Variants in DNAH17 observed in about 807,000 individuals in gnomAD.
The protein encoded by DNAH17 is axonemal beta dynein heavy chain 17.
In DNAH17, 376 loss-of-function variants were observed where a neutral mutation model predicts 485.6. The observed-to-expected ratio is 0.77, with a 90% CI of 0.71 to 0.84. The LOEUF (loss-of-function observed/expected upper bound fraction) is 0.84. Among genes scored for constraint, DNAH17 ranks in the 40% least tolerant of loss-of-function variants. DNAH17 has a pLI of 0.00. For missense variants in DNAH17, 6,370 were observed against 5,839.3 expected (o/e 1.09, Z -2.96); for synonymous variants, 3,031 against 2,405.9 (o/e 1.26, Z -7.60).
intron 25 of DNAH17, among the ~76,000 whole-genome samples, chr17:78,519,289 C>T (rs371493950): frequency 1.3e-5 from 2 of 150,654 alleles, no homozygotes; most frequent in South Asian, 2.1e-4. Flanking sequence ...TATCAAAATA[C>T]GTGGGACGCA....
Position 78,466,240 on chromosome 17 carries a change from G to A in DNAH17, c.8940+415C>T, listed in dbSNP as rs976819004. Among the ~76,000 whole-genome samples the A allele has an allele frequency of 5.3e-5, 8 of 152,206 alleles. No homozygotes were observed. The East Asian group carries it at 1.4e-3, about 26-fold the overall frequency. ...ACAGATGCTTGAAGGCAGCATGCTCGTTAAGAGTCATCACCACTCCCTAAT... is the reference window on the plus strand; with the variant it reads ...ACAGATGCTTGAAGGCAGCATGCTCATTAAGAGTCATCACCACTCCCTAAT... On this transcript the variant is annotated intron_variant, in intron 56 of 80. Coordinates refer to ENST00000389840, the MANE Select transcript of DNAH17 (RefSeq NM_173628.4).
At chr17:78,424,476 C>G (rs1210699068) in intron 80 of DNAH17, 1 of 323,240 alleles carries the variant, frequency 3.1e-6, no homozygotes, top group African/African-American at 2.1e-5. Flanking sequence ...CTAAAAATTA[C>G]AGAGTAAAGT....
intron 3 of DNAH17, 98 bp downstream of exon 3, chr17:78,572,603 C>A (rs970016280): frequency 3.4e-6 from 4 of 1,159,810 alleles, no homozygotes; most frequent in Non-Finnish European, 4.7e-6. Flanking sequence ...TGCAGGGAAA[C>A]AACGGGTCGG....
chr17:78,448,186 C>CA (rs2087393571), intron 69 of DNAH17, among the ~76,000 whole-genome samples: 2 of 147,976 alleles, frequency 1.4e-5, no homozygotes, highest in African/African-American at 5.1e-5. Context: ...AACAAACAAA[C>CA]AAAAAAACCA....
chr17:78,478,365 CCACCAT>C (rs1484864194), intron 51 of DNAH17, among the ~76,000 whole-genome samples: 8 of 151,130 alleles, frequency 5.3e-5, no homozygotes, highest in African/African-American at 2.0e-4. Context: ...ACCATCACCA[CCACCAT>C]CACTGCCACC....
At chr17:78,441,430 C>T (rs2146460106) in intron 71 of DNAH17, among the ~76,000 whole-genome samples, 1 of 152,272 alleles carries the variant, frequency 6.6e-6, no homozygotes, top group South Asian at 2.1e-4. Context: ...CACTGTGCTC[C>T]TCCTTGGAGC....
At chr17:78,503,341 G>A (rs1337284639) in intron 31 of DNAH17, among the ~76,000 whole-genome samples, 3 of 59,658 alleles carry the variant, frequency 5.0e-5, no homozygotes, top group South Asian at 9.6e-4. Context: ...CCCCACTCCC[G>A]GCATTTTTTT....
chr17:78,559,498 G>A (rs2092104382), intron 13 of DNAH17, among the ~76,000 whole-genome samples: 1 of 152,140 alleles, frequency 6.6e-6, no homozygotes, highest in Non-Finnish European at 1.5e-5. Context: ...AAGTCCAGAA[G>A]CTCACCACCA....
Position 78,463,057 on chromosome 17 carries a change from G to A in DNAH17, c.8961C>T (p.Ile2987=), listed in dbSNP as rs780649583. 7 of 1,613,908 alleles carry A rather than the reference G, an allele frequency of 4.3e-6. No homozygotes were observed. Among genetic ancestry groups the A allele is most frequent in the African/African-American group, 2.7e-5 (2 of 75,020 alleles). Residue 2987 remains isoleucine, a synonymous_variant, in exon 57 of 81, where the codon ATC becomes ATT. Coordinates refer to ENST00000389840, the MANE Select transcript of DNAH17 (RefSeq NM_173628.4). ...TGTGCACGTAGGACATGAAGAAGCT[G>A]ATGGAGGCCTTGACTTCCCACTACA... The part of the protein sequence containing the change: ...EGIPWEVKAS[I]SFFMSYVHTT...
chr17:78,543,476 G>C (rs1183439460), intron 17 of DNAH17, among the ~76,000 whole-genome samples: 1 of 150,690 alleles, frequency 6.6e-6, no homozygotes, highest in Non-Finnish European at 1.5e-5. Flanking sequence ...ATTTTTAGTA[G>C]AGACGGGGTT....
At chr17:78,459,390 C>T (rs556977238) in intron 60 of DNAH17, among the ~76,000 whole-genome samples, 182 bp from the exon 61 acceptor site, 123 of 152,332 alleles carry the variant, frequency 8.1e-4, no homozygotes, top group Non-Finnish European at 1.5e-3. Flanking sequence ...TCCCATTACC[C>T]CACAGTGGCA....
intron 25 of DNAH17, among the ~76,000 whole-genome samples, chr17:78,520,947 G>T (rs780719740): frequency 6.6e-6 from 1 of 152,098 alleles, no homozygotes; most frequent in Admixed American, 6.5e-5. Context: ...GGATAAAGTG[G>T]GAGGAATCGC....
intron 17 of DNAH17, among the ~76,000 whole-genome samples, chr17:78,543,347 G>T (rs1209174752): frequency 2.0e-5 from 3 of 150,362 alleles, no homozygotes; most frequent in Admixed American, 6.6e-5. Flanking sequence ...GCGGATTGCA[G>T]TGGCGCAATC....
intron 51 of DNAH17, among the ~76,000 whole-genome samples, chr17:78,478,186 T>C (rs1347196861): frequency 1.5e-5 from 2 of 132,502 alleles, no homozygotes; most frequent in South Asian, 5.1e-4. Context: ...ATCATCACCA[T>C]TATCACCATC....
chr17:78,564,679 A>G (rs973234616), intron 11 of DNAH17, among the ~76,000 whole-genome samples: 4 of 152,146 alleles, frequency 2.6e-5, no homozygotes, highest in African/African-American at 9.7e-5. Context: ...CCTTGTCAAG[A>G]GCCAGTTGTG....
intron 40 of DNAH17, among the ~76,000 whole-genome samples, 194 bp from the exon 41 acceptor site, chr17:78,494,367 C>G (rs1035746976): frequency 8.3e-6 from 1 of 120,124 alleles, no homozygotes. Flanking sequence ...TGCAGGGGGT[C>G]GGTTTGCCTG....
At chr17:78,457,192 G>A (rs2087845083) in intron 62 of DNAH17, among the ~76,000 whole-genome samples, 1 of 152,156 alleles carries the variant, frequency 6.6e-6, no homozygotes, top group Non-Finnish European at 1.5e-5. Context: ...CCAACATGGT[G>A]AAACCCTGTC....
At chr17:78,433,400 C>T (rs1246719816) in intron 75 of DNAH17, among the ~76,000 whole-genome samples, 1 of 152,220 alleles carries the variant, frequency 6.6e-6, no homozygotes, top group Non-Finnish European at 1.5e-5. Flanking sequence ...AAACCTGTGC[C>T]CTCTGCTGTG....
chr17:78,536,599 TG>T (rs1568213985), intron 19 of DNAH17, among the ~76,000 whole-genome samples: 1 of 151,738 alleles, frequency 6.6e-6, no homozygotes, highest in African/African-American at 2.4e-5. Flanking sequence ...GAGGATCAAT[TG>T]GGCCCGGGAG....
Sources: gnomAD v4.1 joint callset for allele counts (sites outside exome capture counted in the v4.1 genomes callset) on GRCh38, gnomAD v4.1.1 for gene constraint, MANE v1.5 for transcripts, NCBI Gene and HGNC (gene_info 2026-07-23, HGNC 2026-07-21) for gene names.